The following FLRT2 variants were observed in gnomAD, a reference collection of about 807,000 sequenced individuals.
FLRT2 encodes fibronectin leucine rich transmembrane protein 2.
FLRT2 carries 15 observed loss-of-function variants against 40.0 expected under a neutral mutation model. That is an observed-to-expected ratio of 0.38 (90% CI 0.25 to 0.58). The LOEUF is 0.58. FLRT2 is among the 20% of genes least tolerant of loss of function. FLRT2 has a pLI of 0.71. For missense variants in FLRT2, 726 were observed against 840.0 expected, an observed-to-expected ratio of 0.86 and a Z score of 1.68; for synonymous variants, 380 against 336.8, an observed-to-expected ratio of 1.13 and a Z score of -1.41.
At chr14:85,592,062 TA>T (rs1891910754) in intron 1 of FLRT2, among the ~76,000 whole-genome samples, 1 of 152,234 alleles carries the variant, frequency 6.6e-6, no homozygotes, top group African/African-American at 2.4e-5. Context: ...AGTGTCACAT[TA>T]AATACTTTTT....
Position 85,623,018 on chromosome 14 carries a change from C to G in FLRT2, c.1504C>G (p.Arg502Gly). Reference protein sequence around the residue: ...CLVPLDAFNYRAVEDTICSEA... With the variant: ...CLVPLDAFNYGAVEDTICSEA... The stretch of plus-strand genomic sequence containing the variant: ...AGTGCCACTGGATGCTTTTAACTAC[C>G]GCGCGGTAGAAGACACCATTTGTTC... Residue 502 changes from arginine to glycine, a missense_variant, in exon 2 of 2, where the codon CGC (arginine) becomes GGC (glycine). Arg to Gly is a moderately radical substitution (Grantham distance 125). Transcript: ENST00000330753. 2 of 1,614,176 alleles carry G rather than the reference C, an allele frequency of 1.2e-6. No homozygotes were observed. The highest frequency in any genetic ancestry group is 1.7e-6 in the Non-Finnish European group (2 of 1,180,036).
rs977260101 is a variant in FLRT2 at position 85,649,216 on chromosome 14, G to A, written c.*25719G>A. 7.5e-6 allele frequency: 1 copy of A among 133,230 alleles called. No individual in the cohort carries two copies. The highest frequency in any genetic ancestry group is 7.8e-5 in the Admixed American group (1 of 12,860). The allele number at this position is 133,230 out of a possible 1,614,324, so 8.3% of individuals were successfully genotyped here. A position where few individuals can be genotyped will look rare whatever the true frequency, so the allele number is the denominator to read the frequency against. ...TCTTTTCTACAGTTTCCTCCAGAAA[G>A]CCCCTATGTATTTATTCCGGTTAAC... On this transcript the variant is annotated 3_prime_UTR_variant, in exon 2 of 2. Coordinates refer to ENST00000330753, the MANE Select transcript of FLRT2 (RefSeq NM_013231.6).
At chr14:85,586,793 T>C (rs1314831779) in intron 1 of FLRT2, among the ~76,000 whole-genome samples, 1 of 152,192 alleles carries the variant, frequency 6.6e-6, no homozygotes, top group East Asian at 1.9e-4. Context: ...TTAACGCCAT[T>C]CAGGCAAATT....
At chr14:85,544,539 A>G (rs1889170672) in intron 1 of FLRT2, among the ~76,000 whole-genome samples, 1 of 152,100 alleles carries the variant, frequency 6.6e-6, no homozygotes, top group African/African-American at 2.4e-5. Flanking sequence ...TTATTTCCTG[A>G]TAGAGGCCTC....
In FLRT2 at chr14:85,650,470, AAC is replaced by A. The variant is rs1894406563; in HGVS notation, c.*26981_*26982del. The A allele has an allele frequency of 6.6e-6, 1 of 152,112 alleles. No individual in the cohort carries two copies. The highest frequency in any genetic ancestry group is 1.5e-5 in the Non-Finnish European group (1 of 67,958). 9.4% of individuals were successfully genotyped at this position (152,112 alleles called of 1,614,324 possible). ...CTGGTGTCAGGTATGAGAGTTCCTA[AAC>A]ACACACAGTGTATCTAGAATTTGAA... On this transcript the variant is annotated 3_prime_UTR_variant, in exon 2 of 2. Coordinates refer to ENST00000330753, the MANE Select transcript of FLRT2 (RefSeq NM_013231.6).
chr14:85,586,588 G>A (rs559117796), intron 1 of FLRT2, among the ~76,000 whole-genome samples: 24 of 151,996 alleles, frequency 1.6e-4, no homozygotes, highest in South Asian at 1.2e-3. Flanking sequence ...CTTTATAATC[G>A]TGATAAAACT....
chr14:85,643,353 TTC>T lies in FLRT2; in HGVS notation c.*19858_*19859del, dbSNP rs1491181609. ...TTTCTTTCTTTCTTTCTTTCTTTCT[TTC>T]TTCCTTCCTTCCTTCCTTCCTTTCT... On this transcript the variant is annotated 3_prime_UTR_variant, in exon 2 of 2. Coordinates refer to ENST00000330753, the MANE Select transcript of FLRT2 (RefSeq NM_013231.6). 6.4e-5 allele frequency: 4 copies of T among 62,660 alleles called. No individual in the cohort carries two copies. The highest frequency in any genetic ancestry group is 1.9e-4 in the African/African-American group (4 of 21,108). The allele number at this position is 62,660 out of a possible 1,614,324, so 3.9% of individuals were successfully genotyped here.
intron 1 of FLRT2, among the ~76,000 whole-genome samples, chr14:85,548,874 A>G (rs1452044733): frequency 6.6e-6 from 1 of 152,112 alleles, no homozygotes; most frequent in Non-Finnish European, 1.5e-5. Flanking sequence ...CCTGTCCCCC[A>G]TCCTGTGCCC....
chr14:85,623,720 T>A lies in FLRT2; in HGVS notation c.*223T>A. 1 of 420,988 alleles carries A rather than the reference T, an allele frequency of 2.4e-6. No homozygotes were observed. The highest frequency in any genetic ancestry group is 4.2e-6 in the Non-Finnish European group (1 of 237,560). 26.1% of individuals were successfully genotyped at this position (420,988 alleles called of 1,614,324 possible). A position where few individuals can be genotyped will look rare whatever the true frequency, so the allele number is the denominator to read the frequency against. On this transcript the variant is annotated 3_prime_UTR_variant, in exon 2 of 2. Transcript: ENST00000330753. ...ACAAACAGTTTTGTAACTCTTTGCT[T>A]TTTAAATCTTAAAAAAAAAAAAGTT...
rs566483137 is a variant in FLRT2 at position 85,628,285 on chromosome 14, A to C, written c.*4788A>C. ...ATAGGCTTTTCCCCTATTTCAAAAT[A>C]GATGCTATTGGCTTTATTTTTTATT... On this transcript the variant is annotated 3_prime_UTR_variant, in exon 2 of 2. Transcript: ENST00000330753. The C allele has an allele frequency of 6.6e-6, 1 of 152,298 alleles. No individual in the cohort carries two copies. Among genetic ancestry groups the C allele is most frequent in the African/African-American group, 2.4e-5 (1 of 41,564 alleles). The allele number at this position is 152,298 out of a possible 1,614,324, so 9.4% of individuals were successfully genotyped here. A position where few individuals can be genotyped will look rare whatever the true frequency, so the allele number is the denominator to read the frequency against.
intron 1 of FLRT2, among the ~76,000 whole-genome samples, chr14:85,611,507 G>A (rs929207106): frequency 1.3e-5 from 2 of 152,198 alleles, no homozygotes; most frequent in African/African-American, 4.8e-5. Flanking sequence ...AGCACAACAT[G>A]TGAAGTTGTT....
Position 85,645,192 on chromosome 14 carries a change from AT to A in FLRT2, c.*21696del, listed in dbSNP as rs1894263986. The A allele has an allele frequency of 6.6e-6, 1 of 151,706 alleles. No individual in the cohort carries two copies. The highest frequency in any genetic ancestry group is 1.5e-5 in the Non-Finnish European group (1 of 67,964). 9.4% of individuals were successfully genotyped at this position (151,706 alleles called of 1,614,324 possible). The stretch of plus-strand genomic sequence containing the variant: ...TGTATGTATATGTATACCTATATAT[AT>A]GTATACATATGTATATATGTACACA... On this transcript the variant is annotated 3_prime_UTR_variant, in exon 2 of 2. Coordinates refer to ENST00000330753, the MANE Select transcript of FLRT2 (RefSeq NM_013231.6).
chr14:85,532,096 G>A (rs567441952), intron 1 of FLRT2, among the ~76,000 whole-genome samples: 55 of 152,384 alleles, frequency 3.6e-4, no homozygotes, highest in Admixed American at 2.9e-3. Context: ...AACTGAGGAC[G>A]AGTAGTGCGG....
chr14:85,621,327 A>G lies in FLRT2; in HGVS notation c.-188A>G. 1 of 584,454 alleles carries G rather than the reference A, an allele frequency of 1.7e-6. No homozygotes were observed. Among genetic ancestry groups the G allele is most frequent in the Non-Finnish European group, 2.9e-6 (1 of 343,208 alleles). 36.2% of individuals were successfully genotyped at this position (584,454 alleles called of 1,614,324 possible). On this transcript the variant is annotated 5_prime_UTR_variant, in exon 2 of 2. Coordinates refer to ENST00000330753, the MANE Select transcript of FLRT2 (RefSeq NM_013231.6). ...TTGCACATGGAGGACAGCAGCAAAG[A>G]GGGCAACACAGGCTGATAAGACCAG...
chr14:85,540,063 A>AT (rs930669461), intron 1 of FLRT2, among the ~76,000 whole-genome samples: 16 of 152,110 alleles, frequency 1.1e-4, no homozygotes, highest in African/African-American at 3.4e-4. Context: ...AATTTTGAGG[A>AT]TTTTTTTTGG....
At chr14:85,569,050 C>T (rs939370104) in intron 1 of FLRT2, among the ~76,000 whole-genome samples, 1 of 152,114 alleles carries the variant, frequency 6.6e-6, no homozygotes, top group Non-Finnish European at 1.5e-5. Context: ...TAGCAGTTTC[C>T]TAGTGACTGC....
rs1425381210 is a variant in FLRT2, at chr14:85,639,845, T to C, written c.*16348T>C. 1 of 104,752 alleles carries C rather than the reference T, an allele frequency of 9.5e-6. No individual in the cohort carries two copies. The highest frequency in any genetic ancestry group is 4.1e-5 in the African/African-American group (1 of 24,530). 6.5% of individuals were successfully genotyped at this position (104,752 alleles called of 1,614,324 possible). On this transcript the variant is annotated 3_prime_UTR_variant, in exon 2 of 2. Transcript: ENST00000330753. The stretch of plus-strand genomic sequence containing the variant: ...CTAGCAGAAATTCTTTATTTTTTTT[T>C]TTTTCCTTTTTTTTTTTTTTTGAGA...
chr14:85,562,620 C>CTTTTCTTT (rs1555366330), intron 1 of FLRT2: 15 of 115,522 alleles, frequency 1.3e-4, no homozygotes, highest in African/African-American at 4.6e-4. Flanking sequence ...TTCTTTCTTT[C>CTTTTCTTT]TTTTTTTTTT....
intron 1 of FLRT2, among the ~76,000 whole-genome samples, chr14:85,590,867 G>A (rs1307897707): frequency 6.6e-6 from 1 of 152,118 alleles, no homozygotes; most frequent in African/African-American, 2.4e-5. Flanking sequence ...TGAAGTGCTG[G>A]GATTACAGGC....
Sources: allele counts gnomAD v4.1 joint callset (sites outside exome capture counted in the v4.1 genomes callset), GRCh38; gene constraint gnomAD v4.1.1; transcripts MANE v1.5; gene names NCBI Gene and HGNC (gene_info 2026-07-23, HGNC 2026-07-21).